MYO3A: variants seen among roughly 807,000 people sequenced by gnomAD.
MYO3A encodes myosin IIIA.
MYO3A carries 180 observed loss-of-function variants against 192.7 expected under a neutral mutation model. The observed-to-expected ratio is 0.93, with a 90% CI of 0.83 to 1.06. The LOEUF (loss-of-function observed/expected upper bound fraction) is 1.06, where lower values mean the gene tolerates loss of function less well. Among genes scored for constraint, MYO3A ranks in the 50% least tolerant of loss-of-function variants. The pLI is 0.00. For missense variants in MYO3A, 1,896 were observed against 1,905.0 expected (o/e 1.00, Z 0.09); for synonymous variants, 628 against 645.3 (o/e 0.97, Z 0.41).
chr10:26,078,925 C>A (rs1835758871), intron 14 of MYO3A, among the ~76,000 whole-genome samples: 1 of 152,050 alleles, frequency 6.6e-6, no homozygotes, highest in South Asian at 2.1e-4. Flanking sequence ...CGTTTTATAG[C>A]CTATCATATG....
chr10:26,121,403 A>T (rs1838849828), intron 18 of MYO3A, among the ~76,000 whole-genome samples: 1 of 151,916 alleles, frequency 6.6e-6, no homozygotes, highest in African/African-American at 2.4e-5. Flanking sequence ...TTTATTTTTA[A>T]TATTGGCACA....
At chr10:26,044,405 A>G (rs1843522576) in intron 10 of MYO3A, among the ~76,000 whole-genome samples, 1 of 152,178 alleles carries the variant, frequency 6.6e-6, no homozygotes, top group African/African-American at 2.4e-5. Context: ...TTAGCACCCT[A>G]GAGCACTGTA....
At chr10:26,108,176 G>A (rs1325270305) in intron 17 of MYO3A, among the ~76,000 whole-genome samples, 1 of 152,168 alleles carries the variant, frequency 6.6e-6, no homozygotes, top group Admixed American at 6.5e-5. Flanking sequence ...TTGATTCAGA[G>A]TGTGTGATAA....
chr10:26,071,344 A>G (rs1835195145), intron 14 of MYO3A, among the ~76,000 whole-genome samples: 1 of 152,096 alleles, frequency 6.6e-6, no homozygotes, highest in Non-Finnish European at 1.5e-5. Context: ...TACAAAAAAA[A>G]GAACATTAAT....
At chr10:26,134,815 A>G (rs1034382897) in intron 20 of MYO3A, among the ~76,000 whole-genome samples, 4 of 152,166 alleles carry the variant, frequency 2.6e-5, no homozygotes, top group African/African-American at 4.8e-5. Flanking sequence ...GGTTAGAATA[A>G]GCAACTTCTT....
chr10:26,139,463 T>A (rs1840031527), intron 20 of MYO3A, among the ~76,000 whole-genome samples: 1 of 152,156 alleles, frequency 6.6e-6, no homozygotes, highest in African/African-American at 2.4e-5. Context: ...GGTCTTGAAC[T>A]CCTGACCTCA....
At chr10:26,104,243 T>C (rs776780436) in intron 17 of MYO3A, among the ~76,000 whole-genome samples, 6 of 152,206 alleles carry the variant, frequency 3.9e-5, no homozygotes, top group Admixed American at 6.5e-5. Flanking sequence ...GTGATTTTAG[T>C]GTTGTATAGA....
intron 10 of MYO3A, among the ~76,000 whole-genome samples, chr10:26,063,958 A>C (rs1421347042): frequency 6.6e-6 from 1 of 152,248 alleles, no homozygotes; most frequent in African/African-American, 2.4e-5. Context: ...ACTGCATGCC[A>C]GGCACTGTTA....
intron 4 of MYO3A, among the ~76,000 whole-genome samples, chr10:25,990,657 C>T (rs1425459506): frequency 3.0e-5 from 3 of 101,408 alleles, no homozygotes; most frequent in Non-Finnish European, 5.6e-5. Context: ...GCTACCCCTC[C>T]CCCCTCCCCC....
intron 17 of MYO3A, among the ~76,000 whole-genome samples, chr10:26,103,141 C>T (rs1000998768): frequency 2.6e-5 from 4 of 152,204 alleles, no homozygotes; most frequent in Non-Finnish European, 4.4e-5. Flanking sequence ...TCTCAGACTG[C>T]TGTGCTAGCA....
chr10:25,957,377 C>T (rs1837620542), intron 4 of MYO3A, among the ~76,000 whole-genome samples: 1 of 152,170 alleles, frequency 6.6e-6, no homozygotes, highest in Admixed American at 6.6e-5. Flanking sequence ...CATTGCCTTC[C>T]ACCATGATTG....
intron 6 of MYO3A, among the ~76,000 whole-genome samples, chr10:26,016,266 G>A (rs183532366): frequency 2.0e-5 from 3 of 152,186 alleles, no homozygotes; most frequent in Non-Finnish European, 2.9e-5. Flanking sequence ...TGTTAATGAT[G>A]TTGGTTTAAA....
intron 14 of MYO3A, among the ~76,000 whole-genome samples, chr10:26,085,650 T>C (rs370423622): frequency 2.6e-5 from 4 of 152,320 alleles, no homozygotes; most frequent in Admixed American, 1.3e-4. Context: ...CAGCAACTAC[T>C]TCAGTGTTCA....
Position 26,174,463 on chromosome 10 carries a change from A to T in MYO3A, c.4199A>T (p.His1400Leu). The change falls in exon 30 of 35, where the codon CAT becomes CTT. Residue 1400 changes from histidine (H) to leucine (L), a missense_variant. Physicochemically the swap from His to Leu is moderately conservative, Grantham distance 99. Coordinates refer to ENST00000642920, the MANE Select transcript of MYO3A (RefSeq NM_017433.5). ...AATTTGTATTCCTATCCCACAAAACATGAGGAAATCAATAACATCAAGAAG... is the reference window on the plus strand; with the variant it reads ...AATTTGTATTCCTATCCCACAAAACTTGAGGAAATCAATAACATCAAGAAG... ...THNLYSYPTK[H>L]EEINNIKKKD... is the part of the protein sequence containing the mutation. The T allele has an allele frequency of 6.2e-7, 1 of 1,614,184 alleles. No homozygotes were observed. The highest frequency in any genetic ancestry group is 8.5e-7 in the Non-Finnish European group (1 of 1,180,020).
chr10:26,053,733 G>A (rs1844146515), intron 10 of MYO3A, among the ~76,000 whole-genome samples: 1 of 152,100 alleles, frequency 6.6e-6, no homozygotes, highest in African/African-American at 2.4e-5. Flanking sequence ...GCTGAGGCAG[G>A]AGAATCACGT....
intron 10 of MYO3A, among the ~76,000 whole-genome samples, chr10:26,056,126 T>G (rs1834095570): frequency 6.6e-6 from 1 of 152,044 alleles, no homozygotes; most frequent in Non-Finnish European, 1.5e-5. Flanking sequence ...AGATGGGCAA[T>G]GTAAGTAGAG....
At chr10:26,154,937 T>G (rs954161270) in intron 25 of MYO3A, 114 bp downstream of exon 25, 1 of 884,188 alleles carries the variant, frequency 1.1e-6, no homozygotes, top group African/African-American at 1.7e-5. Context: ...TTCCATTTAC[T>G]ATTGTTAGAT....
intron 24 of MYO3A, among the ~76,000 whole-genome samples, chr10:26,154,431 C>T (rs1278947168): frequency 1.3e-5 from 2 of 152,146 alleles, no homozygotes; most frequent in Non-Finnish European, 2.9e-5. Flanking sequence ...CAGCCTGCCT[C>T]GGCCTCCCAA....
chr10:26,080,975 C>T (rs985599554), intron 14 of MYO3A, among the ~76,000 whole-genome samples: 2 of 152,066 alleles, frequency 1.3e-5, no homozygotes, highest in Non-Finnish European at 2.9e-5. Context: ...GTGCAGTGGA[C>T]TCCATGAAGT....
Sources: allele counts gnomAD v4.1 joint callset (sites outside exome capture counted in the v4.1 genomes callset), GRCh38; gene constraint gnomAD v4.1.1; transcripts MANE v1.5; gene names NCBI Gene and HGNC (gene_info 2026-07-23, HGNC 2026-07-21).